ERBB4: variants seen among roughly 807,000 people sequenced by gnomAD.
ERBB4 encodes the protein erb-b2 receptor tyrosine kinase 4.
ERBB4 carries 42 observed loss-of-function variants against 158.0 expected under a neutral mutation model. The ratio of observed to expected loss-of-function variants is 0.27; its 90% confidence interval spans 0.21 to 0.34. The LOEUF (loss-of-function observed/expected upper bound fraction) is 0.34, where lower values mean the gene tolerates loss of function less well. ERBB4 is among the 10% of genes least tolerant of loss of function. The pLI is 1.00. For synonymous variants in ERBB4, 583 were observed against 558.7 expected, an observed-to-expected ratio of 1.04 and a Z score of -0.61; for missense variants, 1,333 against 1,624.1, an observed-to-expected ratio of 0.82 and a Z score of 3.08.
intron 5 of ERBB4, among the ~76,000 whole-genome samples, chr2:211,736,713 A>G (rs2074614030): frequency 6.6e-6 from 1 of 152,118 alleles, no homozygotes; most frequent in Non-Finnish European, 1.5e-5. Context: ...TGCCATTGAG[A>G]CTGACCATTC....
At chr2:211,576,188 G>A (rs544832964) in intron 19 of ERBB4, among the ~76,000 whole-genome samples, 26 of 152,266 alleles carry the variant, frequency 1.7e-4, no homozygotes, top group African/African-American at 5.3e-4. Context: ...AATATATGGT[G>A]TCACAAAAGA....
chr2:212,071,239 G>C (rs539870781), intron 2 of ERBB4, among the ~76,000 whole-genome samples: 1 of 151,648 alleles, frequency 6.6e-6, no homozygotes, highest in South Asian at 2.1e-4. Flanking sequence ...TATCTGATCT[G>C]GTCCATACCT....
intron 1 of ERBB4, among the ~76,000 whole-genome samples, chr2:212,462,820 T>C (rs11678974): frequency 0.4 from 61,439 of 151,888 alleles, 12,814 homozygotes; most frequent in African/African-American, 0.46. Context: ...TATTGCAGCA[T>C]TATTCACAAT....
chr2:212,197,773 AG>A (rs1156720736), intron 1 of ERBB4, among the ~76,000 whole-genome samples: 2 of 152,142 alleles, frequency 1.3e-5, no homozygotes, highest in Admixed American at 6.6e-5. Flanking sequence ...GCATTTTTGA[AG>A]GGTCTATGAA....
At chr2:211,886,719 T>C (rs752316106) in intron 3 of ERBB4, among the ~76,000 whole-genome samples, 1 of 152,210 alleles carries the variant, frequency 6.6e-6, no homozygotes, top group African/African-American at 2.4e-5. Context: ...TAATCGTAAA[T>C]TGAAGAGGTC....
At chr2:211,687,920 C>G (rs1285212865) in intron 12 of ERBB4, among the ~76,000 whole-genome samples, 1 of 152,120 alleles carries the variant, frequency 6.6e-6, no homozygotes, top group African/African-American at 2.4e-5. Context: ...TTCACAGAAG[C>G]AAAATCCCAG....
intron 25 of ERBB4, among the ~76,000 whole-genome samples, chr2:211,392,033 A>G (rs2062808990): frequency 6.6e-6 from 1 of 152,150 alleles, no homozygotes. Flanking sequence ...ACTAAAATAA[A>G]ATGTCTCTGT....
chr2:211,714,923 C>CTA (rs2106093416), intron 7 of ERBB4, among the ~76,000 whole-genome samples: 1 of 152,256 alleles, frequency 6.6e-6, no homozygotes, highest in African/African-American at 2.4e-5. Context: ...CATCTCATAC[C>CTA]TATGGCTGTG....
At position 212,191,797 on chromosome 2, in the gene ERBB4, T is replaced by C. The variant is rs1227174022; in HGVS notation, c.83-66894A>G. On this transcript the variant is annotated intron_variant, in intron 1 of 27. Coordinates refer to ENST00000342788, the MANE Select transcript of ERBB4 (RefSeq NM_005235.3). Reference sequence around the variant, plus strand: ...TAACACGTGTGTTATATGTTCTATATGTTATATATAATACATGTTATATAT... The same window carrying C: ...TAACACGTGTGTTATATGTTCTATACGTTATATATAATACATGTTATATAT... 2.8e-5 allele frequency among the ~76,000 whole-genome samples: 4 copies of C among 145,244 alleles called. 1 individual carries two copies. The highest frequency in any genetic ancestry group is 6.0e-5 in the Non-Finnish European group (4 of 66,616).
chr2:212,339,677 A>T (rs924087992), intron 1 of ERBB4, among the ~76,000 whole-genome samples: 2 of 150,714 alleles, frequency 1.3e-5, no homozygotes, highest in Admixed American at 6.6e-5. Flanking sequence ...AGAAAGATTA[A>T]TTTTTTTTTT....
intron 1 of ERBB4, among the ~76,000 whole-genome samples, chr2:212,507,803 A>G (rs905706894): frequency 6.6e-6 from 1 of 152,226 alleles, no homozygotes; most frequent in South Asian, 2.1e-4. Context: ...TTGAAATGAC[A>G]ACGAAAGATT....
intron 1 of ERBB4, among the ~76,000 whole-genome samples, chr2:212,134,311 T>C (rs1471220306): frequency 6.6e-6 from 1 of 152,128 alleles, no homozygotes; most frequent in African/African-American, 2.4e-5. Flanking sequence ...TAATTCTGGA[T>C]TTTATTGCTC....
intron 1 of ERBB4, among the ~76,000 whole-genome samples, chr2:212,294,018 A>G (rs1200735598): frequency 6.6e-6 from 1 of 152,030 alleles, no homozygotes; most frequent in African/African-American, 2.4e-5. Flanking sequence ...GACACTAAAT[A>G]CAAAAATTTA....
intron 1 of ERBB4, among the ~76,000 whole-genome samples, chr2:212,293,554 G>A (rs1454232231): frequency 6.6e-6 from 1 of 151,980 alleles, no homozygotes; most frequent in Non-Finnish European, 1.5e-5. Context: ...TTGAGTGAAA[G>A]TCATACATAT....
At chr2:212,017,248 TA>T (rs1261221114) in intron 2 of ERBB4, among the ~76,000 whole-genome samples, 1 of 152,124 alleles carries the variant, frequency 6.6e-6, no homozygotes, top group Non-Finnish European at 1.5e-5. Flanking sequence ...TTTTTATTCT[TA>T]AAAAATAAGT....
intron 20 of ERBB4, among the ~76,000 whole-genome samples, chr2:211,440,577 G>T (rs1179485531): frequency 6.6e-6 from 1 of 152,056 alleles, no homozygotes; most frequent in East Asian, 1.9e-4. Flanking sequence ...GCATGCTACT[G>T]GTGGAAAACC....
chr2:212,311,506 T>C (rs557725949), intron 1 of ERBB4, among the ~76,000 whole-genome samples: 19 of 151,008 alleles, frequency 1.3e-4, no homozygotes, highest in Non-Finnish European at 2.1e-4. Flanking sequence ...TATCTGAATA[T>C]GTCACTATGT....
intron 25 of ERBB4, among the ~76,000 whole-genome samples, chr2:211,410,496 C>T (rs3791701): frequency 0.33 from 50,271 of 151,918 alleles, 8,690 homozygotes; most frequent in South Asian, 0.57. Context: ...ACATTTATTA[C>T]AAGAGAAAAT....
chr2:212,477,285 T>C (rs1689452525), intron 1 of ERBB4, among the ~76,000 whole-genome samples: 1 of 152,156 alleles, frequency 6.6e-6, no homozygotes, highest in South Asian at 2.1e-4. Context: ...TCTCATTAGC[T>C]ACTTTCTGGC....
Sources: allele counts gnomAD v4.1 joint callset (sites outside exome capture counted in the v4.1 genomes callset), GRCh38; gene constraint gnomAD v4.1.1; transcripts MANE v1.5; gene names NCBI Gene and HGNC (gene_info 2026-07-23, HGNC 2026-07-21).